Variants in FLT3 observed in about 807,000 individuals in gnomAD.
FLT3 encodes the protein receptor-type tyrosine-protein kinase FLT3.
FLT3 carries 46 observed loss-of-function variants against 126.6 expected under a neutral mutation model. That is an observed-to-expected ratio of 0.36 (90% CI 0.29 to 0.46). The LOEUF (loss-of-function observed/expected upper bound fraction) is 0.46, where lower values mean the gene tolerates loss of function less well. FLT3 is among the 20% of genes least tolerant of loss of function. FLT3 has a pLI of 1.00. For synonymous variants in FLT3, 404 were observed against 434.4 expected (o/e 0.93, Z 0.87); for missense variants, 1,069 against 1,190.3 (o/e 0.90, Z 1.50).
intron 1 of FLT3, among the ~76,000 whole-genome samples, chr13:28,078,025 G>A (rs887307472): frequency 1.3e-5 from 2 of 152,158 alleles, no homozygotes; most frequent in African/African-American, 2.4e-5. Flanking sequence ...GGGAAGCTCC[G>A]CCCCTGTGGC....
intron 18 of FLT3, among the ~76,000 whole-genome samples, chr13:28,023,827 C>T (rs1402858243): frequency 6.6e-6 from 1 of 151,950 alleles, no homozygotes; most frequent in Non-Finnish European, 1.5e-5. Flanking sequence ...AGGAGTCTCG[C>T]TCTGTCGCCC....
At chr13:28,054,099 T>G (rs1875792591) in intron 4 of FLT3, among the ~76,000 whole-genome samples, 1 of 152,178 alleles carries the variant, frequency 6.6e-6, no homozygotes, top group Admixed American at 6.5e-5. Context: ...CTTAATAACA[T>G]TCTTAAGAGT....
chr13:28,098,272 G>A (rs371629040), intron 1 of FLT3, among the ~76,000 whole-genome samples: 3 of 139,818 alleles, frequency 2.1e-5, no homozygotes, highest in East Asian at 4.2e-4. Flanking sequence ...CTGAGATCGC[G>A]CCACTACACT....
At position 28,018,483 on chromosome 13, in the gene FLT3, T is replaced by C. The variant is rs376588714; in HGVS notation, c.2525A>G (p.Tyr842Cys). The C allele has an allele frequency of 2.9e-5, 47 of 1,614,036 alleles. No homozygotes were observed. The highest frequency in any genetic ancestry group is 4.0e-5 in the African/African-American group (3 of 75,034). ...CAGCCTCACATTGCCCCTGACAACA[T>C]AGTTGGAATCACTCATGATATCTCG... ...LARDIMSDSN[Y>C]VVRGNARLPV... Residue 842 changes from tyrosine (Y) to cysteine (C), a missense_variant, in exon 20 of 24, where the codon TAT (tyrosine) becomes TGT (cysteine). Tyr to Cys is a radical substitution (Grantham distance 194). Coordinates refer to ENST00000241453, the MANE Select transcript of FLT3 (RefSeq NM_004119.3).
At chr13:28,013,841 T>C (rs1871600589) in intron 23 of FLT3, among the ~76,000 whole-genome samples, 1 of 152,234 alleles carries the variant, frequency 6.6e-6, no homozygotes, top group African/African-American at 2.4e-5. Flanking sequence ...TAGTGGCTTC[T>C]GGAGGCCAGG....
intron 9 of FLT3, among the ~76,000 whole-genome samples, chr13:28,043,514 A>G (rs889408948): frequency 6.6e-6 from 1 of 152,214 alleles, no homozygotes; most frequent in African/African-American, 2.4e-5. Flanking sequence ...TTTCAGTAAC[A>G]GATTTTTAAA....
At chr13:28,089,421 T>C (rs375490905) in intron 1 of FLT3, among the ~76,000 whole-genome samples, 2 of 151,330 alleles carry the variant, frequency 1.3e-5, no homozygotes, top group African/African-American at 4.9e-5. Context: ...TATTTATAGC[T>C]GTTTTATTCA....
intron 2 of FLT3, among the ~76,000 whole-genome samples, chr13:28,062,636 C>T (rs1876670316): frequency 6.7e-6 from 1 of 148,778 alleles, no homozygotes; most frequent in African/African-American, 2.5e-5. Flanking sequence ...CCCAGCTCCA[C>T]GGGAGGCTGA....
At chr13:28,072,214 G>T (rs376495153) in intron 1 of FLT3, among the ~76,000 whole-genome samples, 23 of 150,192 alleles carry the variant, frequency 1.5e-4, no homozygotes, top group East Asian at 3.9e-4. Flanking sequence ...CATATATATG[G>T]GCTTCTCTTT....
At chr13:28,091,219 T>TTC (rs1879020741) in intron 1 of FLT3, among the ~76,000 whole-genome samples, 1 of 107,578 alleles carries the variant, frequency 9.3e-6, no homozygotes, top group African/African-American at 4.3e-5. Flanking sequence ...TTTTTTTTTT[T>TTC]TTTTTTTTTT....
chr13:28,003,659 A>G lies in FLT3; in HGVS notation c.*393T>C, dbSNP rs979322517. 1.2e-5 allele frequency: 3 copies of G among 254,722 alleles called. No homozygotes were observed. Among genetic ancestry groups the G allele is most frequent in the Admixed American group, 4.9e-5 (1 of 20,546 alleles). The allele number at this position is 254,722 out of a possible 1,614,324, so 15.8% of individuals were successfully genotyped here. A position where few individuals can be genotyped will look rare whatever the true frequency, so the allele number is the denominator to read the frequency against. ...TCCCACCCATAAAATATATCACTAA[A>G]TAGCTGAAAAATTTACATATTATTT... On this transcript the variant is annotated 3_prime_UTR_variant, in exon 24 of 24. Transcript: ENST00000241453.
At chr13:28,069,467 T>C (rs930453141) in intron 2 of FLT3, among the ~76,000 whole-genome samples, 2 of 152,010 alleles carry the variant, frequency 1.3e-5, no homozygotes, top group Non-Finnish European at 2.9e-5. Flanking sequence ...ATAAAATAAA[T>C]GACATAGGTG....
rs899093985 is a variant in FLT3, at chr13:28,034,889, G to A, written c.1598-482C>T. On this transcript the variant is annotated intron_variant, in intron 12 of 23. Coordinates refer to ENST00000241453, the MANE Select transcript of FLT3 (RefSeq NM_004119.3). ...GAATCGCTTGAACCCTGGCAGAGGT[G>A]AGCCAAGATCACGCCACTGCACTGC... Among the ~76,000 whole-genome samples the A allele has an allele frequency of 4.6e-5, 7 of 151,758 alleles. No homozygotes were observed. The East Asian group carries it at 1.4e-3, about 29-fold the overall frequency.
chr13:28,028,327 T>G (rs1055742642), intron 15 of FLT3, 39 bp from the exon 16 acceptor site: 7 of 1,048,752 alleles, frequency 6.7e-6, no homozygotes, highest in Non-Finnish European at 1.0e-5. Context: ...AAAACTCAAG[T>G]AAAATACGAA....
At chr13:28,022,371 G>T (rs553980579) in intron 19 of FLT3, among the ~76,000 whole-genome samples, 99 of 152,112 alleles carry the variant, frequency 6.5e-4, no homozygotes, top group Non-Finnish European at 8.5e-4. Context: ...AATTAGCCAG[G>T]CATGCTGGTA....
At chr13:28,083,667 G>A (rs1878470561) in intron 1 of FLT3, among the ~76,000 whole-genome samples, 1 of 152,166 alleles carries the variant, frequency 6.6e-6, no homozygotes, top group Non-Finnish European at 1.5e-5. Context: ...AATTGCTTTA[G>A]TAGAGCATTA....
chr13:28,042,181 AT>A (rs1294463363), intron 9 of FLT3, among the ~76,000 whole-genome samples: 224 of 145,658 alleles, frequency 1.5e-3, no homozygotes, highest in Admixed American at 3.1e-3. Flanking sequence ...AATAATAATA[AT>A]AATAATAAAT....
At chr13:28,054,539 T>C (rs1875836850) in intron 4 of FLT3, among the ~76,000 whole-genome samples, 1 of 151,640 alleles carries the variant, frequency 6.6e-6, no homozygotes, top group Admixed American at 6.6e-5. Flanking sequence ...CTAGGTAACA[T>C]GCCAAAACCC....
At chr13:28,059,375 G>A (rs1876330148) in intron 3 of FLT3, among the ~76,000 whole-genome samples, 1 of 152,134 alleles carries the variant, frequency 6.6e-6, no homozygotes, top group Admixed American at 6.5e-5. Flanking sequence ...GCATTTAATT[G>A]ACCTATGTCC....
Sources: allele counts gnomAD v4.1 joint callset (sites outside exome capture counted in the v4.1 genomes callset), GRCh38; gene constraint gnomAD v4.1.1; transcripts MANE v1.5; gene names NCBI Gene and HGNC (gene_info 2026-07-23, HGNC 2026-07-21).